The following TANC2 variants were observed in gnomAD, a reference collection of about 807,000 sequenced individuals.
TANC2 encodes the protein tetratricopeptide repeat, ankyrin repeat and coiled-coil containing 2.
In TANC2, 26 loss-of-function variants were observed where a neutral mutation model predicts 210.5. The observed-to-expected ratio is 0.12, with a 90% CI of 0.09 to 0.17. TANC2 has a LOEUF of 0.17. TANC2 is among the 10% of genes least tolerant of loss of function. The pLI, the probability that TANC2 is intolerant of heterozygous loss-of-function variation, is 1.00. For missense variants in TANC2, 2,129 were observed against 2,608.9 expected (o/e 0.82, Z 4.01); for synonymous variants, 931 against 967.1 (o/e 0.96, Z 0.69).
chr17:63,087,560 A>G (rs1297533457), intron 3 of TANC2, among the ~76,000 whole-genome samples: 2 of 152,196 alleles, frequency 1.3e-5, no homozygotes, highest in Non-Finnish European at 2.9e-5. Context: ...CTGATGGTTA[A>G]GAAGAATACC....
intron 15 of TANC2, among the ~76,000 whole-genome samples, chr17:63,387,584 A>G (rs2047825590): frequency 6.6e-6 from 1 of 152,230 alleles, no homozygotes; most frequent in Non-Finnish European, 1.5e-5. Context: ...TTTTTAAAAG[A>G]AGTACCTCCC....
intron 3 of TANC2, among the ~76,000 whole-genome samples, chr17:63,097,051 T>C (rs1011881408): frequency 6.6e-6 from 1 of 151,792 alleles, no homozygotes; most frequent in Non-Finnish European, 1.5e-5. Flanking sequence ...TTTTTTTTTT[T>C]CTTTTTCAAG....
rs534645193 is a variant in TANC2 at position 63,255,977 on chromosome 17, C to T, written c.1034-11771C>T. Among the ~76,000 whole-genome samples, 3 of 147,124 alleles carry T rather than the reference C, an allele frequency of 2.0e-5. No homozygotes were observed. The East Asian group carries it at 5.9e-4, about 29-fold the overall frequency. ...CTGGAGTGCAGTGGTGTGATCCCAG[C>T]TCATTGCAACCTCTTTCCCCCAGGT... On this transcript the variant is annotated intron_variant, in intron 8 of 27. Transcript: ENST00000689528.
chr17:63,120,120 G>A (rs2038405341), intron 4 of TANC2, among the ~76,000 whole-genome samples: 1 of 150,910 alleles, frequency 6.6e-6, no homozygotes, highest in Non-Finnish European at 1.5e-5. Flanking sequence ...ATTTTTATTA[G>A]CAGATTTATT....
intron 6 of TANC2, 74 bp from the exon 7 acceptor site, chr17:63,200,697 C>A: frequency 3.8e-6 from 5 of 1,308,736 alleles, no homozygotes; most frequent in South Asian, 3.1e-5. Context: ...TTCATCAAAG[C>A]ATTTATTTTA....
intron 2 of TANC2, among the ~76,000 whole-genome samples, chr17:63,058,186 A>G (rs1282135573): frequency 6.6e-6 from 1 of 152,106 alleles, no homozygotes; most frequent in Non-Finnish European, 1.5e-5. Context: ...ATGATGTGAT[A>G]TTGAGCTTTT....
intron 25 of TANC2, among the ~76,000 whole-genome samples, chr17:63,414,761 G>A (rs1475628921): frequency 6.6e-6 from 1 of 152,192 alleles, no homozygotes; most frequent in Non-Finnish European, 1.5e-5. Flanking sequence ...ATAAAGATCA[G>A]CTAAAGGGGT....
intron 3 of TANC2, 26 bp from the exon 4 acceptor site, chr17:63,099,149 T>C (rs1169039816): frequency 1.2e-6 from 2 of 1,606,252 alleles, no homozygotes; most frequent in African/African-American, 1.3e-5. Context: ...TCTCACCAGC[T>C]CTTTTGTTCC....
At chr17:63,373,056 G>A (rs557654616) in intron 14 of TANC2, among the ~76,000 whole-genome samples, 83 of 151,744 alleles carry the variant, frequency 5.5e-4, no homozygotes, top group South Asian at 2.5e-3. Context: ...CACCACACCC[G>A]CCTAATTTTT....
intron 2 of TANC2, among the ~76,000 whole-genome samples, chr17:63,062,039 T>C (rs1218734559): frequency 6.6e-6 from 1 of 152,204 alleles, no homozygotes; most frequent in Non-Finnish European, 1.5e-5. Context: ...CTTTTTGAAA[T>C]TGCACATTAC....
At chr17:63,018,504 A>AT (rs2034209874) in intron 2 of TANC2, among the ~76,000 whole-genome samples, 1 of 151,830 alleles carries the variant, frequency 6.6e-6, no homozygotes, top group African/African-American at 2.4e-5. Flanking sequence ...AAATAAATAA[A>AT]TAAAATAAAC....
intron 7 of TANC2, among the ~76,000 whole-genome samples, chr17:63,232,700 G>A (rs1465573774): frequency 6.6e-6 from 1 of 152,210 alleles, no homozygotes; most frequent in African/African-American, 2.4e-5. Context: ...GGTGTCTGGC[G>A]ACCCCTGTTG....
intron 7 of TANC2, among the ~76,000 whole-genome samples, chr17:63,207,668 G>A (rs1224752202): frequency 1.3e-5 from 2 of 152,152 alleles, no homozygotes; most frequent in East Asian, 3.8e-4. Context: ...GTTGTTTCCA[G>A]ATTTTTGCTC....
At chr17:63,240,060 G>A (rs2042732331) in intron 8 of TANC2, among the ~76,000 whole-genome samples, 1 of 152,162 alleles carries the variant, frequency 6.6e-6, no homozygotes, top group Non-Finnish European at 1.5e-5. Context: ...ATGAGATTTG[G>A]GCAGGGACAC....
intron 2 of TANC2, among the ~76,000 whole-genome samples, chr17:63,041,499 G>A (rs1425477147): frequency 6.6e-6 from 1 of 152,110 alleles, no homozygotes; most frequent in East Asian, 1.9e-4. Context: ...CCTCGGAGAT[G>A]GGAAGGGGTT....
chr17:63,017,958 A>G (rs940926918), intron 2 of TANC2, among the ~76,000 whole-genome samples: 2 of 151,928 alleles, frequency 1.3e-5, no homozygotes, highest in African/African-American at 4.8e-5. Context: ...CCTGGGCAAC[A>G]TAGTGAGAAC....
At chr17:63,003,675 G>C (rs1007791718) in intron 1 of TANC2, among the ~76,000 whole-genome samples, 1 of 152,150 alleles carries the variant, frequency 6.6e-6, no homozygotes, top group Non-Finnish European at 1.5e-5. Context: ...CAGATAAAGG[G>C]GGACTACTGT....
At chr17:63,273,006 G>A (rs1024977393) in intron 9 of TANC2, among the ~76,000 whole-genome samples, 5 of 152,134 alleles carry the variant, frequency 3.3e-5, no homozygotes, top group South Asian at 2.1e-4. Context: ...TTACACAGGC[G>A]GCTATGGCTG....
chr17:63,294,343 G>A (rs1267502547), intron 9 of TANC2, among the ~76,000 whole-genome samples: 1 of 152,060 alleles, frequency 6.6e-6, no homozygotes, highest in African/African-American at 2.4e-5. Context: ...CCGGCATGGT[G>A]GCATGTGCCT....
Sources: gnomAD v4.1 joint callset for allele counts (sites outside exome capture counted in the v4.1 genomes callset) on GRCh38, gnomAD v4.1.1 for gene constraint, MANE v1.5 for transcripts, NCBI Gene and HGNC (gene_info 2026-07-23, HGNC 2026-07-21) for gene names.